ELAVL2: variants seen among roughly 807,000 people sequenced by gnomAD.
ELAVL2 encodes the protein ELAV-like protein 2.
ELAVL2 carries 4 observed loss-of-function variants against 34.6 expected under a neutral mutation model. That is an observed-to-expected ratio of 0.12 (90% CI 0.06 to 0.26). ELAVL2 has a LOEUF of 0.26. Ranked by LOEUF, ELAVL2 falls within the 10% of genes least tolerant of loss-of-function variation. ELAVL2 has a pLI of 1.00. For missense variants in ELAVL2, 432 were observed against 442.8 expected (o/e 0.98, Z 0.22); for synonymous variants, 193 against 154.8 (o/e 1.25, Z -1.83).
intron 2 of ELAVL2, among the ~76,000 whole-genome samples, chr9:23,746,052 C>A (rs1307102660): frequency 6.6e-6 from 1 of 152,020 alleles, no homozygotes; most frequent in South Asian, 2.1e-4. Flanking sequence ...GGTATCTTCA[C>A]TGCACCTACT....
chr9:23,766,826 C>T (rs1052323870), intron 1 of ELAVL2, among the ~76,000 whole-genome samples: 2 of 152,060 alleles, frequency 1.3e-5, no homozygotes, highest in African/African-American at 2.4e-5. Context: ...CAATTCTGCT[C>T]TACTCAATCT....
intron 1 of ELAVL2, among the ~76,000 whole-genome samples, chr9:23,795,012 T>C (rs943828119): frequency 6.6e-6 from 1 of 152,174 alleles, no homozygotes; most frequent in African/African-American, 2.4e-5. Flanking sequence ...TCTGTATACA[T>C]GCCTTATAAT....
chr9:23,792,766 T>C (rs2060473481), intron 1 of ELAVL2, among the ~76,000 whole-genome samples: 1 of 152,112 alleles, frequency 6.6e-6, no homozygotes, highest in African/African-American at 2.4e-5. Flanking sequence ...CTTCCTTTTT[T>C]CATATTTTTC....
chr9:23,732,986 C>G (rs1442725526), intron 2 of ELAVL2, among the ~76,000 whole-genome samples: 1 of 151,644 alleles, frequency 6.6e-6, no homozygotes, highest in Non-Finnish European at 1.5e-5. Context: ...ACAAATATAA[C>G]AGAAAAAGAA....
chr9:23,837,539 A>T, the ELAVL2 span, among the ~76,000 whole-genome samples: 1 of 152,184 alleles, frequency 6.6e-6, no homozygotes, highest in Admixed American at 6.5e-5. Context: ...ACAGATAAGG[A>T]AACTGAGGAA....
intron 1 of ELAVL2, among the ~76,000 whole-genome samples, chr9:23,817,813 T>C (rs1320920058): frequency 1.3e-5 from 2 of 152,176 alleles, no homozygotes; most frequent in Non-Finnish European, 2.9e-5. Context: ...TCTAAGATTT[T>C]ATTACGCAAA....
At chr9:23,756,657 G>C (rs941564146) in intron 2 of ELAVL2, among the ~76,000 whole-genome samples, 4 of 152,130 alleles carry the variant, frequency 2.6e-5, no homozygotes, top group Non-Finnish European at 5.9e-5. Flanking sequence ...GTCTAGTTCT[G>C]AAAGCTAGGA....
At chr9:23,818,093 T>C (rs1470295820) in intron 1 of ELAVL2, among the ~76,000 whole-genome samples, 1 of 152,216 alleles carries the variant, frequency 6.6e-6, no homozygotes, top group African/African-American at 2.4e-5. Flanking sequence ...CTACAATATG[T>C]GGGCTCTGTG....
chr9:23,845,426 GA>G, the ELAVL2 span, among the ~76,000 whole-genome samples: 1 of 151,628 alleles, frequency 6.6e-6, no homozygotes, highest in East Asian at 1.9e-4. Flanking sequence ...AACTTGGCCT[GA>G]ATTTTATTTA....
At chr9:23,730,351 T>C (rs1453518892) in intron 3 of ELAVL2, among the ~76,000 whole-genome samples, 3 of 152,130 alleles carry the variant, frequency 2.0e-5, no homozygotes. Flanking sequence ...AAAAATAACC[T>C]GTGTCATGTA....
chr9:23,801,353 A>G (rs1409275151), intron 1 of ELAVL2, among the ~76,000 whole-genome samples: 1 of 152,210 alleles, frequency 6.6e-6, no homozygotes, highest in Non-Finnish European at 1.5e-5. Context: ...TTTCAAAATG[A>G]AAAACTAATA....
intron 2 of ELAVL2, among the ~76,000 whole-genome samples, chr9:23,739,065 C>A (rs1307305386): frequency 6.6e-6 from 1 of 152,114 alleles, no homozygotes; most frequent in Non-Finnish European, 1.5e-5. Context: ...CATATTAAAT[C>A]CTCTAAATTC....
chr9:23,741,367 A>AG (rs939519419), intron 2 of ELAVL2, among the ~76,000 whole-genome samples: 3 of 152,150 alleles, frequency 2.0e-5, no homozygotes, highest in Non-Finnish European at 4.4e-5. Context: ...AGGCACAATG[A>AG]GGAAGGAGGC....
chr9:23,734,756 G>A (rs925495065), intron 2 of ELAVL2, among the ~76,000 whole-genome samples: 1 of 151,802 alleles, frequency 6.6e-6, no homozygotes, highest in African/African-American at 2.4e-5. Flanking sequence ...TTTATATAGT[G>A]CATATTTCTG....
At chr9:23,835,010 G>A in the ELAVL2 span, among the ~76,000 whole-genome samples, 2 of 151,918 alleles carry the variant, frequency 1.3e-5, no homozygotes, top group Non-Finnish European at 2.9e-5. Context: ...ATTTTCAGGG[G>A]GCATAACAGA....
upstream of ELAVL2, among the ~76,000 whole-genome samples, chr9:23,828,214 C>T (rs533033742): frequency 7.9e-5 from 12 of 152,252 alleles, no homozygotes; most frequent in South Asian, 1.5e-3. Context: ...TAAATGAATA[C>T]AATTTGGGGA....
chr9:23,706,439 G>A (rs1011079448), intron 3 of ELAVL2, among the ~76,000 whole-genome samples: 1 of 152,174 alleles, frequency 6.6e-6, no homozygotes, highest in Non-Finnish European at 1.5e-5. Flanking sequence ...CTGAACCAGA[G>A]CATTTAAGGG....
At chr9:23,731,371 C>T (rs1472574496) in intron 2 of ELAVL2, among the ~76,000 whole-genome samples, 2 of 151,978 alleles carry the variant, frequency 1.3e-5, no homozygotes, top group Non-Finnish European at 2.9e-5. Context: ...CAAAGGATTC[C>T]ACCATCCATG....
At chr9:23,710,374 C>CA (rs1466727321) in intron 3 of ELAVL2, among the ~76,000 whole-genome samples, 1 of 152,208 alleles carries the variant, frequency 6.6e-6, no homozygotes, top group African/African-American at 2.4e-5. Flanking sequence ...GCATCACTAT[C>CA]AGAAGTCCCT....
Sources: gnomAD v4.1 joint callset for allele counts (sites outside exome capture counted in the v4.1 genomes callset) on GRCh38, gnomAD v4.1.1 for gene constraint, MANE v1.5 for transcripts, NCBI Gene and HGNC (gene_info 2026-07-23, HGNC 2026-07-21) for gene names.